Variants in UBE2F observed in about 807,000 individuals in gnomAD.
UBE2F encodes ubiquitin conjugating enzyme E2 F (putative), also known as NEDD8-conjugating enzyme UBE2F.
Under a neutral mutation model 29.6 loss-of-function variants are expected in UBE2F, and 5 were observed. The ratio of observed to expected loss-of-function variants is 0.17; its 90% CI spans 0.09 to 0.36. The LOEUF (loss-of-function observed/expected upper bound fraction) is 0.36, where lower values mean the gene tolerates loss of function less well. Among genes scored for constraint, UBE2F ranks in the 10% least tolerant of loss-of-function variants. UBE2F has a pLI of 1.00. For missense variants in UBE2F, 141 were observed against 228.5 expected (o/e 0.62, Z 2.47); for synonymous variants, 66 against 81.8 (o/e 0.81, Z 1.04).
chr2:237,973,688 T>G, intron 2 of UBE2F: 1 of 1,302,380 alleles, frequency 7.7e-7, no homozygotes, highest in Non-Finnish European at 1.0e-6. Flanking sequence ...ATTAGTTCTC[T>G]TCACGGAATT....
intron 2 of UBE2F, among the ~76,000 whole-genome samples, chr2:237,980,407 C>T (rs529828022): frequency 1.3e-5 from 2 of 152,358 alleles, no homozygotes; most frequent in South Asian, 4.1e-4. Flanking sequence ...CAGATGGCCT[C>T]TTCCTGGCTG....
chr2:237,976,589 C>T (rs1019519746), intron 2 of UBE2F, among the ~76,000 whole-genome samples: 3 of 151,712 alleles, frequency 2.0e-5, no homozygotes, highest in Non-Finnish European at 4.4e-5. Flanking sequence ...ACCTTGTTGC[C>T]GTGTCTTCAC....
chr2:237,982,830 G>A lies in UBE2F; in HGVS notation c.119-5133G>A, dbSNP rs1401736689. Among the ~76,000 whole-genome samples the A allele has an allele frequency of 6.6e-6, 1 of 152,118 alleles. No individual in the cohort carries two copies. Among genetic ancestry groups the A allele is most frequent in the Non-Finnish European group, 1.5e-5 (1 of 68,028 alleles). On this transcript the variant is annotated intron_variant, in intron 2 of 9. Coordinates refer to ENST00000272930, the MANE Select transcript of UBE2F (RefSeq NM_080678.3). This position sits in a 1 kb window ranked among gnomAD's most constrained non-coding sequence, Gnocchi z 4.1. ...TGACCAGTGTTGGGTGGTGTGGTCCGAGGTTCTGTTGTCTTTCTCCATCCT... is the reference window on the plus strand; with the variant it reads ...TGACCAGTGTTGGGTGGTGTGGTCCAAGGTTCTGTTGTCTTTCTCCATCCT...
Position 238,041,957 on chromosome 2 carries a change from T to C in UBE2F, c.*619T>C, listed in dbSNP as rs2064843344. 1 of 152,724 alleles carries C rather than the reference T, an allele frequency of 6.5e-6. No homozygotes were observed. Among genetic ancestry groups the C allele is most frequent in the Non-Finnish European group, 1.5e-5 (1 of 68,064 alleles). The allele number at this position is 152,724 out of a possible 1,614,324, so 9.5% of individuals were successfully genotyped here. A position where few individuals can be genotyped will look rare whatever the true frequency, so the allele number is the denominator to read the frequency against. On this transcript the variant is annotated 3_prime_UTR_variant, in exon 10 of 10. Transcript: ENST00000272930. Reference sequence around the variant, plus strand: ...AATTCAATGCTTTAATTATTTTTTCTATTCTCATTTAGTTTGTATTTTCAT... The same window carrying C: ...AATTCAATGCTTTAATTATTTTTTCCATTCTCATTTAGTTTGTATTTTCAT...
chr2:238,026,175 G>T (rs901057226), intron 6 of UBE2F, among the ~76,000 whole-genome samples: 3 of 152,170 alleles, frequency 2.0e-5, no homozygotes, highest in Non-Finnish European at 4.4e-5. Flanking sequence ...CTGCCCGGCT[G>T]CCCGGGGCAG....
At chr2:238,006,502 G>A (rs1236006279) in intron 4 of UBE2F, among the ~76,000 whole-genome samples, 1 of 152,202 alleles carries the variant, frequency 6.6e-6, no homozygotes, top group African/African-American at 2.4e-5. Flanking sequence ...AAATACAGCT[G>A]ATTTTTGTAT....
rs7585649 is a variant in UBE2F, at chr2:237,982,489, G to A, written c.119-5474G>A. On this transcript the variant is annotated intron_variant, in intron 2 of 9. Coordinates refer to ENST00000272930, the MANE Select transcript of UBE2F (RefSeq NM_080678.3). The surrounding 1 kb of genome is among the most constrained non-coding windows in gnomAD (Gnocchi z 4.1). ...GCAATCCACAGTCGCTTACCATGCCGTCTGGACACATTTCTAAATTCCCGT... is the reference window on the plus strand; with the variant it reads ...GCAATCCACAGTCGCTTACCATGCCATCTGGACACATTTCTAAATTCCCGT... 0.018 allele frequency among the ~76,000 whole-genome samples: 2,781 copies of A among 152,152 alleles called. 52 individuals carry two copies. The highest frequency in any genetic ancestry group is 0.09 in the East Asian group (466 of 5,168).
rs2064815693 is a variant in UBE2F, at chr2:238,040,498, G to T, written c.508-790G>T. Among the ~76,000 whole-genome samples the T allele has an allele frequency of 6.6e-6, 1 of 152,202 alleles. No homozygotes were observed. Among genetic ancestry groups the T allele is most frequent in the Non-Finnish European group, 1.5e-5 (1 of 68,034 alleles). On this transcript the variant is annotated intron_variant, in intron 9 of 9. Coordinates refer to ENST00000272930, the MANE Select transcript of UBE2F (RefSeq NM_080678.3). The surrounding 1 kb of genome is among the most constrained non-coding windows in gnomAD (Gnocchi z 4.4). ...GCATGGCATTGATGGGACCGAAGCA[G>T]TGTGATCCTGCAGGGACATCTGAGA...
chr2:238,028,109 A>G (rs1404959374), intron 6 of UBE2F, among the ~76,000 whole-genome samples: 1 of 152,196 alleles, frequency 6.6e-6, no homozygotes, highest in Non-Finnish European at 1.5e-5. Context: ...TGTTGCTGGG[A>G]CTATCCTCTG....
At chr2:237,996,727 C>T (rs929737775) in intron 4 of UBE2F, among the ~76,000 whole-genome samples, 1 of 152,102 alleles carries the variant, frequency 6.6e-6, no homozygotes, top group Non-Finnish European at 1.5e-5. Flanking sequence ...CTGCCAGCCT[C>T]GGCTTCCCAA....
chr2:237,989,351 A>C (rs972551851), intron 3 of UBE2F, among the ~76,000 whole-genome samples: 1 of 152,074 alleles, frequency 6.6e-6, no homozygotes, highest in Non-Finnish European at 1.5e-5. Context: ...AATGTTTCTT[A>C]AAAAATTATT....
rs2063402428 is a variant in UBE2F at position 237,982,582 on chromosome 2, C to G, written c.119-5381C>G. On this transcript the variant is annotated intron_variant, in intron 2 of 9. Coordinates refer to ENST00000272930, the MANE Select transcript of UBE2F (RefSeq NM_080678.3). This position sits in a 1 kb window ranked among gnomAD's most constrained non-coding sequence, Gnocchi z 4.1. ...GGCTTGGGCCACTGCCAGAGTCATG[C>G]CAGGGAAAGCTGGATTCCAGTGGCC... Among the ~76,000 whole-genome samples the G allele has an allele frequency of 6.6e-6, 1 of 152,142 alleles. No homozygotes were observed. The highest frequency in any genetic ancestry group is 6.5e-5 in the Admixed American group (1 of 15,280).
intron 4 of UBE2F, among the ~76,000 whole-genome samples, chr2:237,999,820 C>CTTTTTT (rs3054481): frequency 1.7e-5 from 2 of 119,886 alleles, no homozygotes; most frequent in African/African-American, 3.2e-5. Flanking sequence ...TGATGTTGTT[C>CTTTTTT]TTTTTTTTTT....
intron 8 of UBE2F, among the ~76,000 whole-genome samples, chr2:238,034,188 G>T (rs772500709): frequency 6.6e-6 from 1 of 151,980 alleles, no homozygotes; most frequent in Non-Finnish European, 1.5e-5. Flanking sequence ...ACTTTAGGAG[G>T]CGCTGAGGCC....
At chr2:237,978,669 A>G (rs984661390) in intron 2 of UBE2F, among the ~76,000 whole-genome samples, 38 of 152,110 alleles carry the variant, frequency 2.5e-4, no homozygotes, top group African/African-American at 8.9e-4. Flanking sequence ...TTGTAGCTGC[A>G]TTGCCTGGAG....
In UBE2F at chr2:237,982,949, A is replaced by G. The variant is rs6726393; in HGVS notation, c.119-5014A>G. On this transcript the variant is annotated intron_variant, in intron 2 of 9. Coordinates refer to ENST00000272930, the MANE Select transcript of UBE2F (RefSeq NM_080678.3). The surrounding 1 kb of genome is among the most constrained non-coding windows in gnomAD (Gnocchi z 4.1). ...GTGTGGGCATGAGAAGAATAATGGT[A>G]AACCTTTCCTAGGATCACCATCATT... is the stretch of plus-strand genomic sequence containing the variant. Among the ~76,000 whole-genome samples, 130,674 of 152,164 alleles carry G rather than the reference A, an allele frequency of 0.86. 56,266 individuals are homozygous for G. Among genetic ancestry groups the G allele is most frequent in the East Asian group, 0.97 (5,008 of 5,164 alleles).
chr2:238,036,866 G>A (rs573142276), intron 9 of UBE2F, among the ~76,000 whole-genome samples: 7 of 152,060 alleles, frequency 4.6e-5, no homozygotes, highest in East Asian at 3.9e-4. Context: ...GAGAATGGAC[G>A]GTGTCACACC....
intron 4 of UBE2F, chr2:238,003,322 C>CTT: frequency 2.1e-6 from 1 of 470,314 alleles, no homozygotes. Flanking sequence ...ATTCTCTTAA[C>CTT]TTTCATCAGG....
intron 4 of UBE2F, among the ~76,000 whole-genome samples, chr2:238,009,915 T>A (rs1297626116): frequency 6.6e-6 from 1 of 152,236 alleles, no homozygotes; most frequent in African/African-American, 2.4e-5. Context: ...ACCACAGATA[T>A]GCCCACCACC....
Sources: gnomAD v4.1 joint callset for allele counts (sites outside exome capture counted in the v4.1 genomes callset) on GRCh38, gnomAD v4.1.1 for gene constraint, Gnocchi (gnomAD v3.1) non-coding constraint, MANE v1.5 for transcripts, NCBI Gene and HGNC (gene_info 2026-07-23, HGNC 2026-07-21) for gene names.